The following PPP2R5A variants were observed in gnomAD, a reference collection of about 807,000 sequenced individuals.
PPP2R5A encodes the protein protein phosphatase 2 regulatory subunit B'alpha.
A neutral mutation model predicts 64.2 loss-of-function variants in PPP2R5A; 25 were observed. The observed-to-expected ratio is 0.39, with a 90% confidence interval of 0.28 to 0.54. The LOEUF is 0.54. PPP2R5A is among the 20% of genes least tolerant of loss of function. PPP2R5A has a pLI of 0.67. For synonymous variants in PPP2R5A, 198 were observed against 201.2 expected (o/e 0.98, Z 0.13); for missense variants, 425 against 576.3 (o/e 0.74, Z 2.69).
At chr1:212,335,384 A>AG (rs1659575164) in intron 3 of PPP2R5A, among the ~76,000 whole-genome samples, 1 of 151,874 alleles carries the variant, frequency 6.6e-6, no homozygotes, top group Non-Finnish European at 1.5e-5. Context: ...CTGAGGCAGG[A>AG]GAATCGCTGG....
rs1053035601 is a variant in PPP2R5A at position 212,287,781 on chromosome 1, A to G, written c.181+1490A>G. ...TTCATAGATTTTAAAATTTACACTT[A>G]TTTAAAATATCATAGTTTTTTTATA... On this transcript the variant is annotated intron_variant, in intron 1 of 12. Coordinates refer to ENST00000261461, the MANE Select transcript of PPP2R5A (RefSeq NM_006243.4). Among the ~76,000 whole-genome samples the G allele has an allele frequency of 7.2e-5, 11 of 152,272 alleles. No individual in the cohort carries two copies. The East Asian group carries it at 2.1e-3, about 29-fold the overall frequency.
intron 3 of PPP2R5A, among the ~76,000 whole-genome samples, chr1:212,339,747 A>T (rs1659654951): frequency 1.3e-5 from 2 of 152,160 alleles, no homozygotes; most frequent in Non-Finnish European, 2.9e-5. Context: ...TTGATGTCAT[A>T]AAAGTCTCCC....
chr1:212,356,830 C>A, intron 9 of PPP2R5A, 120 bp from the exon 10 acceptor site: 1 of 1,260,210 alleles, frequency 7.9e-7, no homozygotes, highest in Non-Finnish European at 1.1e-6. Flanking sequence ...GTAAACTCTG[C>A]CATCCAGACA....
At chr1:212,325,595 C>T (rs1009011762) in intron 1 of PPP2R5A, among the ~76,000 whole-genome samples, 10 of 151,994 alleles carry the variant, frequency 6.6e-5, no homozygotes, top group East Asian at 1.9e-4. Flanking sequence ...TCTTTTAGAA[C>T]GCAGCCTCTC....
chr1:212,304,288 C>G (rs1571578835), intron 1 of PPP2R5A, among the ~76,000 whole-genome samples: 1 of 152,120 alleles, frequency 6.6e-6, no homozygotes, highest in East Asian at 1.9e-4. Context: ...TGCGGTGGCT[C>G]TCCTATAATG....
chr1:212,308,413 T>A (rs1293516725), intron 1 of PPP2R5A, among the ~76,000 whole-genome samples: 1 of 149,976 alleles, frequency 6.7e-6, no homozygotes, highest in Non-Finnish European at 1.5e-5. Context: ...TGGTACACTT[T>A]TTTTTTTTTT....
intron 1 of PPP2R5A, among the ~76,000 whole-genome samples, chr1:212,296,611 C>T (rs1055617550): frequency 3.9e-5 from 6 of 152,084 alleles, no homozygotes; most frequent in Non-Finnish European, 5.9e-5. Context: ...CAAAATATGC[C>T]GGGACAAGTT....
intron 1 of PPP2R5A, among the ~76,000 whole-genome samples, chr1:212,300,162 C>T (rs956199559): frequency 2.0e-5 from 3 of 152,112 alleles, no homozygotes; most frequent in African/African-American, 7.2e-5. Flanking sequence ...AATAACTCAG[C>T]CTTCACCTAG....
At chr1:212,352,038 G>A (rs1331103205) in intron 8 of PPP2R5A, among the ~76,000 whole-genome samples, 1 of 142,228 alleles carries the variant, frequency 7.0e-6, no homozygotes, top group East Asian at 2.0e-4. Context: ...TTATTTTTTT[G>A]AGACAGAGAC....
intron 1 of PPP2R5A, among the ~76,000 whole-genome samples, chr1:212,314,285 C>G (rs1001690265): frequency 2.0e-5 from 3 of 152,216 alleles, no homozygotes; most frequent in Admixed American, 2.0e-4. Flanking sequence ...AGTCCTTTAG[C>G]TGAGGCCTTA....
chr1:212,348,956 TA>T (rs1182595404), intron 7 of PPP2R5A, among the ~76,000 whole-genome samples: 2 of 152,184 alleles, frequency 1.3e-5, no homozygotes, highest in Non-Finnish European at 2.9e-5. Flanking sequence ...AAATTACTAC[TA>T]AAAATGTTTT....
chr1:212,316,901 C>T (rs1400872266), intron 1 of PPP2R5A, among the ~76,000 whole-genome samples: 3 of 152,106 alleles, frequency 2.0e-5, no homozygotes, highest in East Asian at 3.9e-4. Context: ...TAGGGAAGAA[C>T]CTTCTAATTT....
chr1:212,320,906 C>A (rs1659269004), intron 1 of PPP2R5A, among the ~76,000 whole-genome samples: 1 of 127,906 alleles, frequency 7.8e-6, no homozygotes, highest in Non-Finnish European at 1.7e-5. Context: ...GCGCCCCTCA[C>A]CTCCCGGACG....
intron 1 of PPP2R5A, among the ~76,000 whole-genome samples, chr1:212,322,977 G>A (rs879770928): frequency 1.3e-5 from 2 of 152,024 alleles, no homozygotes; most frequent in African/African-American, 4.8e-5. Flanking sequence ...TAGTAGAGAC[G>A]GTGTTTCACC....
At chr1:212,309,374 G>GC in intron 1 of PPP2R5A, 2 of 1,506,050 alleles carry the variant, frequency 1.3e-6, no homozygotes, top group East Asian at 2.3e-5. Context: ...AGTGTCTTGG[G>GC]CCGCCGGAAG....
At chr1:212,293,927 T>C (rs1245908169) in intron 1 of PPP2R5A, among the ~76,000 whole-genome samples, 7 of 152,190 alleles carry the variant, frequency 4.6e-5, no homozygotes, top group Non-Finnish European at 8.8e-5. Flanking sequence ...TATCTTGCCA[T>C]TTCATCAGAG....
chr1:212,335,988 G>A (rs949203718), intron 3 of PPP2R5A, among the ~76,000 whole-genome samples: 1 of 152,146 alleles, frequency 6.6e-6, no homozygotes, highest in African/African-American at 2.4e-5. Flanking sequence ...ATTGAGCCAA[G>A]TAGACAATAT....
intron 3 of PPP2R5A, among the ~76,000 whole-genome samples, chr1:212,337,269 T>C (rs991889910): frequency 2.0e-5 from 3 of 152,160 alleles, no homozygotes. Context: ...TTCTGCACTT[T>C]TAGATAATTA....
chr1:212,354,606 C>T (rs1468745327), intron 8 of PPP2R5A, among the ~76,000 whole-genome samples: 1 of 151,780 alleles, frequency 6.6e-6, no homozygotes, highest in East Asian at 1.9e-4. Flanking sequence ...ATCATTTAAG[C>T]CTAGGAGTTC....
Sources: allele counts gnomAD v4.1 joint callset (sites outside exome capture counted in the v4.1 genomes callset), GRCh38; gene constraint gnomAD v4.1.1; transcripts MANE v1.5; gene names NCBI Gene and HGNC (gene_info 2026-07-23, HGNC 2026-07-21).